Variants in GREM1 observed in about 807,000 individuals in gnomAD.
GREM1 encodes gremlin 1, DAN family BMP antagonist.
A neutral mutation model predicts 13.1 loss-of-function variants in GREM1; 6 were observed. The observed-to-expected ratio is 0.46, with a 90% confidence interval of 0.25 to 0.91. The LOEUF is 0.91. GREM1 is among the 40% of genes least tolerant of loss of function. GREM1 has a pLI of 0.18. For synonymous variants in GREM1, 98 were observed against 93.7 expected, an observed-to-expected ratio of 1.05 and a Z score of -0.27; for missense variants, 185 against 233.9, an observed-to-expected ratio of 0.79 and a Z score of 1.36.
At chr15:32,729,449 T>G (rs2140686995) in intron 1 of GREM1, among the ~76,000 whole-genome samples, 1 of 152,340 alleles carries the variant, frequency 6.6e-6, no homozygotes, top group East Asian at 1.9e-4. Context: ...CACCTTTCCC[T>G]CTTCTTCCGC....
At chr15:32,730,362 A>G (rs1207893254) in intron 1 of GREM1, among the ~76,000 whole-genome samples, 4 of 152,178 alleles carry the variant, frequency 2.6e-5, no homozygotes, top group Non-Finnish European at 4.4e-5. Flanking sequence ...TCCCCTCAAT[A>G]AGTGAACGTA....
rs1429349678 is a variant in GREM1, at chr15:32,733,644, G to C, written c.*2399G>C. 1 of 227,352 alleles carries C rather than the reference G, an allele frequency of 4.4e-6. No individual in the cohort carries two copies. The highest frequency in any genetic ancestry group is 9.5e-6 in the Non-Finnish European group (1 of 105,110). 14.1% of individuals were successfully genotyped at this position (227,352 alleles called of 1,614,324 possible). A position where few individuals can be genotyped will look rare whatever the true frequency, so the allele number is the denominator to read the frequency against. ...ATATTAAGACTAGTACAAATGTGGT[G>C]TGTCTTCCAACTTTCATTGAAAATG... On this transcript the variant is annotated 3_prime_UTR_variant, in exon 2 of 2. Coordinates refer to ENST00000651154, the MANE Select transcript of GREM1 (RefSeq NM_013372.7).
chr15:32,741,122 T>C lies in GREM1; in HGVS notation c.*9877T>C, dbSNP rs1167371355. 2 of 152,232 alleles carry C rather than the reference T, an allele frequency of 1.3e-5. No individual in the cohort carries two copies. Among genetic ancestry groups the C allele is most frequent in the African/African-American group, 4.8e-5 (2 of 41,462 alleles). 9.4% of individuals were successfully genotyped at this position (152,232 alleles called of 1,614,324 possible). A position where few individuals can be genotyped will look rare whatever the true frequency, so the allele number is the denominator to read the frequency against. On this transcript the variant is annotated 3_prime_UTR_variant, in exon 2 of 2. Transcript: ENST00000651154. ...AAGCCTTTTCCACATTTAATGTTTT[T>C]TGTTCACTGTGGTGTAGTAATAAAT...
chr15:32,731,482 A>C lies in GREM1; in HGVS notation c.*237A>C. ...CTAGAGAGCACTCCCTATTTTGTAA[A>C]CATATCTGCTTTAATGGGGATGTAC... On this transcript the variant is annotated 3_prime_UTR_variant, in exon 2 of 2. Transcript: ENST00000651154. 2 of 568,928 alleles carry C rather than the reference A, an allele frequency of 3.5e-6. No individual in the cohort carries two copies. The highest frequency in any genetic ancestry group is 3.0e-5 in the East Asian group (1 of 33,750). The allele number at this position is 568,928 out of a possible 1,614,324, so 35.2% of individuals were successfully genotyped here.
At chr15:32,726,945 A>G (rs2055518795) in intron 1 of GREM1, among the ~76,000 whole-genome samples, 1 of 152,172 alleles carries the variant, frequency 6.6e-6, no homozygotes, top group Non-Finnish European at 1.5e-5. Flanking sequence ...ACACCCTCCC[A>G]AGACTAAACC....
intron 1 of GREM1, chr15:32,718,376 C>A (rs1285158984): frequency 6.0e-6 from 3 of 498,562 alleles, no homozygotes; most frequent in African/African-American, 5.8e-5. Flanking sequence ...TGCAGGGAAA[C>A]GTAGGAAAAA....
chr15:32,732,475 G>A lies in GREM1; in HGVS notation c.*1230G>A, dbSNP rs2055637807. 3 of 245,328 alleles carry A rather than the reference G, an allele frequency of 1.2e-5. No individual in the cohort carries two copies. Among genetic ancestry groups the A allele is most frequent in the South Asian group, 1.8e-4 (1 of 5,510 alleles). 15.2% of individuals were successfully genotyped at this position (245,328 alleles called of 1,614,324 possible). A position where few individuals can be genotyped will look rare whatever the true frequency, so the allele number is the denominator to read the frequency against. On this transcript the variant is annotated 3_prime_UTR_variant, in exon 2 of 2. Transcript: ENST00000651154. ...GTCTTTTTGTTTTAACTATTGTCAG[G>A]AGATTGGGCTAAAGAGAAGACGACG... is the stretch of plus-strand genomic sequence containing the variant.
rs1278885979 is a variant in GREM1, at chr15:32,735,716, A to G, written c.*4471A>G. 6.6e-6 allele frequency: 1 copy of G among 151,734 alleles called. No homozygotes were observed. The highest frequency in any genetic ancestry group is 1.5e-5 in the Non-Finnish European group (1 of 67,968). 9.4% of individuals were successfully genotyped at this position (151,734 alleles called of 1,614,324 possible). ...CAGAAAAGCCACACCCATTAGAAAA[A>G]TACAAGGCCTGAAAGGTGTGAGTGG... is the stretch of plus-strand genomic sequence containing the variant. On this transcript the variant is annotated 3_prime_UTR_variant, in exon 2 of 2. Transcript: ENST00000651154.
Position 32,741,391 on chromosome 15 carries a change from C to A in GREM1, c.*10146C>A, listed in dbSNP as rs1220131629. 1 of 151,256 alleles carries A rather than the reference C, an allele frequency of 6.6e-6. No individual in the cohort carries two copies. Among genetic ancestry groups the A allele is most frequent in the Non-Finnish European group, 1.5e-5 (1 of 67,892 alleles). 9.4% of individuals were successfully genotyped at this position (151,256 alleles called of 1,614,324 possible). A position where few individuals can be genotyped will look rare whatever the true frequency, so the allele number is the denominator to read the frequency against. ...AGTACTGTAGTCTTCAGTATGCAGA[C>A]CTTTCACTTTCTTAGTTTATTCCAG... is the stretch of plus-strand genomic sequence containing the variant. On this transcript the variant is annotated 3_prime_UTR_variant, in exon 2 of 2. Coordinates refer to ENST00000651154, the MANE Select transcript of GREM1 (RefSeq NM_013372.7).
rs1241210455 is a variant in GREM1 at position 32,741,596 on chromosome 15, A to T, written c.*10351A>T. The T allele has an allele frequency of 6.6e-6, 1 of 152,034 alleles. No homozygotes were observed. The highest frequency in any genetic ancestry group is 2.4e-5 in the African/African-American group (1 of 41,400). 9.4% of individuals were successfully genotyped at this position (152,034 alleles called of 1,614,324 possible). ...ATGGAGTCTTTAGGGTTTTCTATGTATAAGATTATGTCATCTGCAAACAGC... is the reference window on the plus strand; with the variant it reads ...ATGGAGTCTTTAGGGTTTTCTATGTTTAAGATTATGTCATCTGCAAACAGC... On this transcript the variant is annotated 3_prime_UTR_variant, in exon 2 of 2. Coordinates refer to ENST00000651154, the MANE Select transcript of GREM1 (RefSeq NM_013372.7).
Position 32,733,395 on chromosome 15 carries a change from T to G in GREM1, c.*2150T>G, listed in dbSNP as rs1445360651. The G allele has an allele frequency of 8.8e-6, 2 of 227,216 alleles. No homozygotes were observed. Among genetic ancestry groups the G allele is most frequent in the Non-Finnish European group, 1.9e-5 (2 of 104,832 alleles). 14.1% of individuals were successfully genotyped at this position (227,216 alleles called of 1,614,324 possible). On this transcript the variant is annotated 3_prime_UTR_variant, in exon 2 of 2. Transcript: ENST00000651154. ...AAACACTGAATTTCTCTTGTTGTTT[T>G]AACTCTGCCACAAGAATGCAATTTC... is the stretch of plus-strand genomic sequence containing the variant.
intron 1 of GREM1, among the ~76,000 whole-genome samples, chr15:32,723,557 T>A (rs549962056): frequency 2.0e-5 from 3 of 151,776 alleles, no homozygotes; most frequent in South Asian, 2.1e-4. Flanking sequence ...AATAGGTTTT[T>A]AAAAAATGAA....
chr15:32,724,962 A>C (rs1004934958), intron 1 of GREM1, among the ~76,000 whole-genome samples: 2 of 152,210 alleles, frequency 1.3e-5, no homozygotes, highest in South Asian at 2.1e-4. Context: ...TGCAAAGGAC[A>C]TGAACTCATC....
rs1035919259 is a variant in GREM1 at position 32,742,452 on chromosome 15, A to C, written c.*11207A>C. On this transcript the variant is annotated 3_prime_UTR_variant, in exon 2 of 2. Coordinates refer to ENST00000651154, the MANE Select transcript of GREM1 (RefSeq NM_013372.7). ...TATTCTTAAAATGCCCATATTACCC[A>C]AAGTGATCTATAGATTCATGCAATC... 6.6e-6 allele frequency: 1 copy of C among 152,228 alleles called. No individual in the cohort carries two copies. Among genetic ancestry groups the C allele is most frequent in the Non-Finnish European group, 1.5e-5 (1 of 68,028 alleles). The allele number at this position is 152,228 out of a possible 1,614,324, so 9.4% of individuals were successfully genotyped here.
chr15:32,731,517 A>G lies in GREM1; in HGVS notation c.*272A>G, dbSNP rs974794648. 1.6e-5 allele frequency: 7 copies of G among 449,078 alleles called. No homozygotes were observed. The highest frequency in any genetic ancestry group is 1.2e-4 in the African/African-American group (6 of 50,016). 27.8% of individuals were successfully genotyped at this position (449,078 alleles called of 1,614,324 possible). On this transcript the variant is annotated 3_prime_UTR_variant, in exon 2 of 2. Transcript: ENST00000651154. Reference sequence around the variant, plus strand: ...TTTAATGGGGATGTACCAGAAACCCACCTCACCCCGGCTCACATCTAAAGG... The same window carrying G: ...TTTAATGGGGATGTACCAGAAACCCGCCTCACCCCGGCTCACATCTAAAGG...
intron 1 of GREM1, among the ~76,000 whole-genome samples, 176 bp from the exon 2 acceptor site, chr15:32,730,514 T>C (rs1389110194): frequency 6.6e-6 from 1 of 152,208 alleles, no homozygotes; most frequent in Non-Finnish European, 1.5e-5. Flanking sequence ...CATGGATTGA[T>C]GGCTGGGTCA....
intron 1 of GREM1, among the ~76,000 whole-genome samples, chr15:32,730,123 C>G (rs1567112500): frequency 6.6e-6 from 1 of 152,200 alleles, no homozygotes; most frequent in Non-Finnish European, 1.5e-5. Context: ...AGTTACTGCA[C>G]CAGGAGCGCG....
In GREM1 at chr15:32,736,024, A is replaced by G. The variant is rs918596662; in HGVS notation, c.*4779A>G. The G allele has an allele frequency of 6.6e-6, 1 of 152,208 alleles. No homozygotes were observed. The highest frequency in any genetic ancestry group is 2.4e-5 in the African/African-American group (1 of 41,466). The allele number at this position is 152,208 out of a possible 1,614,324, so 9.4% of individuals were successfully genotyped here. On this transcript the variant is annotated 3_prime_UTR_variant, in exon 2 of 2. Coordinates refer to ENST00000651154, the MANE Select transcript of GREM1 (RefSeq NM_013372.7). ...CTCTCATCTCCCCCTCTCCAGCTCC[A>G]CAATAGCTTTGAAACCAACAGCCTG...
In GREM1 at chr15:32,718,157, G is replaced by T; in HGVS notation, c.-6G>T. 7.5e-7 allele frequency: 1 copy of T among 1,329,930 alleles called. No homozygotes were observed. The highest frequency in any genetic ancestry group is 9.9e-7 in the Non-Finnish European group (1 of 1,012,176). The allele number at this position is 1,329,930 out of a possible 1,614,324, so 82.4% of individuals were successfully genotyped here. The stretch of plus-strand genomic sequence containing the variant: ...GCAGGCCCCGAGGACCCGCCGCACT[G>T]ACAGGTGAGCGCGGACGCACCCGGC... On this transcript the variant is annotated 5_prime_UTR_variant, in exon 1 of 2. Coordinates refer to ENST00000651154, the MANE Select transcript of GREM1 (RefSeq NM_013372.7).
Sources: allele counts gnomAD v4.1 joint callset (sites outside exome capture counted in the v4.1 genomes callset), GRCh38; gene constraint gnomAD v4.1.1; transcripts MANE v1.5; gene names NCBI Gene and HGNC (gene_info 2026-07-23, HGNC 2026-07-21).